Variants in TMEM143 observed in about 807,000 individuals in gnomAD.
The protein encoded by TMEM143 is transmembrane protein 143.
A neutral mutation model predicts 40.3 loss-of-function variants in TMEM143; 45 were observed. That is an observed-to-expected ratio of 1.12 (90% confidence interval 0.88 to 1.43). The LOEUF (loss-of-function observed/expected upper bound fraction) is 1.43, where lower values mean the gene tolerates loss of function less well. Ranked by LOEUF, TMEM143 falls within the 40% of genes most tolerant of loss-of-function variation. The pLI is 0.00. For synonymous variants in TMEM143, 299 were observed against 282.7 expected (o/e 1.06, Z -0.58); for missense variants, 620 against 613.4 (o/e 1.01, Z -0.11).
In TMEM143 at chr19:48,342,736, T is replaced by G. The variant is rs773006424; in HGVS notation, c.769A>C (p.Thr257Pro). The G allele has an allele frequency of 6.2e-7, 1 of 1,614,130 alleles. No homozygotes were observed. The highest frequency in any genetic ancestry group is 1.1e-5 in the South Asian group (1 of 91,064). Residue 257 changes from threonine to proline, a missense_variant, in exon 6 of 8, where the codon ACG becomes CCG. By Grantham distance (38) the Thr-to-Pro change is conservative. Transcript: ENST00000293261. Reference protein sequence around the residue: ...GHLVLKSFKDTPLEGLEQLLP... With the variant: ...GHLVLKSFKDPPLEGLEQLLP... ...AGCTGCTCCAGGCCTTCCAGCGGCGTGTCCTTGAAACTCTTCAGTACCAGG... is the reference window on the plus strand; with the variant it reads ...AGCTGCTCCAGGCCTTCCAGCGGCGGGTCCTTGAAACTCTTCAGTACCAGG...
chr19:48,354,732 C>T (rs541496497), intron 3 of TMEM143, among the ~76,000 whole-genome samples: 2 of 152,138 alleles, frequency 1.3e-5, no homozygotes, highest in African/African-American at 4.8e-5. Context: ...AATGAATCAG[C>T]GAAAAAAGAT....
At position 48,341,301 on chromosome 19, in the gene TMEM143, C is replaced by T. The variant is rs149460377; in HGVS notation, c.975+1229G>A. On this transcript the variant is annotated intron_variant, in intron 6 of 7. Coordinates refer to ENST00000293261, the MANE Select transcript of TMEM143 (RefSeq NM_018273.4). ...CAGCCTCCACCTGGCCCCTGGGCCA[C>T]GAATCCTTGGATGGTGAACAACCTG... Among the ~76,000 whole-genome samples, 231 of 152,326 alleles carry T rather than the reference C, an allele frequency of 1.5e-3. 1 individual carries two copies. The highest frequency in any genetic ancestry group is 5.3e-3 in the African/African-American group (219 of 41,562).
rs1969792819 is a variant in TMEM143, at chr19:48,352,252, A to AAAAAAAAAAAAAC, written c.370-6899_370-6898insGTTTTTTTTTTTT. ...ACAGAGTGAGACTCTGTCTCAAAAAAAAAAAAAAAACACCATATCTGCATA... is the reference window on the plus strand; with the variant it reads ...ACAGAGTGAGACTCTGTCTCAAAAAAAAAAAAAAAAAACAAAAAAAAAACACCATATCTGCATA... On this transcript the variant is annotated intron_variant, in intron 3 of 7. Transcript: ENST00000293261. Among the ~76,000 whole-genome samples the AAAAAAAAAAAAAC allele has an allele frequency of 2.7e-5, 4 of 148,030 alleles. 1 individual carries two copies. Among genetic ancestry groups the AAAAAAAAAAAAAC allele is most frequent in the Admixed American group, 1.4e-4 (2 of 14,780 alleles).
intron 6 of TMEM143, 135 bp from the exon 7 acceptor site, chr19:48,334,332 T>G: frequency 1.2e-6 from 1 of 801,114 alleles, no homozygotes. Flanking sequence ...TACCCAGACC[T>G]CTTCAGTACG....
intron 6 of TMEM143, among the ~76,000 whole-genome samples, chr19:48,334,586 T>C (rs989679925): frequency 9.4e-5 from 5 of 53,036 alleles, no homozygotes; most frequent in African/African-American, 2.4e-4. Flanking sequence ...TTTTCTTTCC[T>C]TTTTTTTTTT....
At chr19:48,360,241 T>G in intron 2 of TMEM143, 65 bp from the exon 3 acceptor site, 1 of 1,487,784 alleles carries the variant, frequency 6.7e-7, no homozygotes, top group Non-Finnish European at 9.3e-7. Flanking sequence ...AAAGAATTCT[T>G]TCCCTGGCTG....
chr19:48,356,664 C>T (rs1350771623), intron 3 of TMEM143, among the ~76,000 whole-genome samples: 15 of 145,214 alleles, frequency 1.0e-4, no homozygotes, highest in African/African-American at 3.8e-4. Flanking sequence ...ATGGTGCGAT[C>T]TTGGCTCACT....
intron 6 of TMEM143, among the ~76,000 whole-genome samples, chr19:48,337,634 C>T (rs1969401188): frequency 6.6e-6 from 1 of 152,078 alleles, no homozygotes; most frequent in Admixed American, 6.6e-5. Flanking sequence ...GAACAGTCAC[C>T]CACACCCTGT....
At chr19:48,354,138 T>C (rs1254544284) in intron 3 of TMEM143, among the ~76,000 whole-genome samples, 7 of 147,578 alleles carry the variant, frequency 4.7e-5, no homozygotes, top group South Asian at 4.3e-4. Flanking sequence ...TTTGTATTTT[T>C]AGTAGAGTCG....
At chr19:48,357,938 T>G (rs960345838) in intron 3 of TMEM143, among the ~76,000 whole-genome samples, 4 of 145,078 alleles carry the variant, frequency 2.8e-5, no homozygotes, top group African/African-American at 5.1e-5. Context: ...GGGAGGGGGG[T>G]TGGGATGGGG....
At chr19:48,338,355 G>T (rs571327101) in intron 6 of TMEM143, among the ~76,000 whole-genome samples, 2 of 152,266 alleles carry the variant, frequency 1.3e-5, no homozygotes, top group African/African-American at 4.8e-5. Flanking sequence ...CCCTGCTCAT[G>T]GTCCTCCCAT....
chr19:48,353,430 C>T (rs956810122), intron 3 of TMEM143, among the ~76,000 whole-genome samples: 2 of 151,656 alleles, frequency 1.3e-5, no homozygotes, highest in East Asian at 1.9e-4. Flanking sequence ...GCAATCCACC[C>T]GCCTTGGCCT....
intron 6 of TMEM143, among the ~76,000 whole-genome samples, chr19:48,339,058 T>C (rs1031476484): frequency 2.6e-5 from 4 of 151,836 alleles, no homozygotes; most frequent in African/African-American, 9.7e-5. Flanking sequence ...CCAGTGAGGC[T>C]GGGAAGCAGG....
chr19:48,356,576 T>G (rs1164392987), intron 3 of TMEM143, among the ~76,000 whole-genome samples: 1 of 148,998 alleles, frequency 6.7e-6, no homozygotes, highest in Non-Finnish European at 1.5e-5. Flanking sequence ...ATTATAGACA[T>G]GCGCTACCAG....
chr19:48,342,938 G>A, intron 5 of TMEM143, 129 bp from the exon 6 acceptor site: 1 of 1,177,114 alleles, frequency 8.5e-7, no homozygotes, highest in Non-Finnish European at 1.2e-6. Context: ...AGTAATCATG[G>A]GGAAGAAACC....
In TMEM143 at chr19:48,342,541, G is replaced by A. The variant is rs773613522; in HGVS notation, c.964C>T (p.Arg322Trp). 6.8e-6 allele frequency: 11 copies of A among 1,607,004 alleles called. No homozygotes were observed. The highest frequency in any genetic ancestry group is 3.4e-5 in the Admixed American group (2 of 59,298). ...LLLFAIFMGL[R>W]ASKMFGQRRS... ...AGGCGCATGCTCACCTTGGAGGCCC[G>A]CAGGCCCATGAAGATGGCGAAGAGC... Residue 322 changes from arginine (R) to tryptophan (W), a missense_variant, in exon 6 of 8, where the codon CGG becomes TGG. Transcript: ENST00000293261.
At chr19:48,336,734 G>A (rs992231216) in intron 6 of TMEM143, among the ~76,000 whole-genome samples, 2 of 151,508 alleles carry the variant, frequency 1.3e-5, no homozygotes, top group African/African-American at 2.4e-5. Context: ...AGTAGCTCAC[G>A]CCTGTAATCC....
Position 48,342,891 on chromosome 19 carries a change from T to A in TMEM143, c.696-82A>T. ...CCCTCCAATCCTAGGACGCTCACTC[T>A]GGCTCTACAGTCGCACAACCATCTT... On this transcript the variant is annotated intron_variant, in intron 5 of 7. Transcript: ENST00000293261. 2.0e-6 allele frequency: 3 copies of A among 1,465,684 alleles called. No individual in the cohort carries two copies. In the South Asian group the frequency reaches 4.1e-5, roughly 20 times the overall value. 90.8% of individuals were successfully genotyped at this position (1,465,684 alleles called of 1,614,324 possible). A position where few individuals can be genotyped will look rare whatever the true frequency, so the allele number is the denominator to read the frequency against.
intron 6 of TMEM143, among the ~76,000 whole-genome samples, chr19:48,341,651 T>TA (rs373696844): frequency 3.5e-4 from 53 of 152,294 alleles, no homozygotes; most frequent in African/African-American, 1.2e-3. Flanking sequence ...ACAACACCTC[T>TA]ATGAGTTAGG....
Sources: gnomAD v4.1 joint callset for allele counts (sites outside exome capture counted in the v4.1 genomes callset) on GRCh38, gnomAD v4.1.1 for gene constraint, MANE v1.5 for transcripts, NCBI Gene and HGNC (gene_info 2026-07-23, HGNC 2026-07-21) for gene names.